AKAP19: variants seen among roughly 807,000 people sequenced by gnomAD.
AKAP19 encodes A-kinase anchoring protein 19.
At chr2:190,168,525 T>A in the AKAP19 span, among the ~76,000 whole-genome samples, 15 of 152,022 alleles carry the variant, frequency 9.9e-5, no homozygotes, top group African/African-American at 3.4e-4. Context: ...TGGAATTCTC[T>A]TTTCTATCGC....
chr2:190,077,485 A>T, the AKAP19 span, among the ~76,000 whole-genome samples: 20,208 of 152,002 alleles, frequency 0.13, 3,669 homozygotes, highest in African/African-American at 0.41. Flanking sequence ...AAAATTTTTT[A>T]AAAAATGTTA....
At chr2:190,117,413 C>T in the AKAP19 span, among the ~76,000 whole-genome samples, 1 of 151,892 alleles carries the variant, frequency 6.6e-6, no homozygotes, top group Non-Finnish European at 1.5e-5. Context: ...AATAGGTTAG[C>T]TTTCATTATT....
At chr2:189,938,542 T>G in the AKAP19 span, among the ~76,000 whole-genome samples, 14 of 151,966 alleles carry the variant, frequency 9.2e-5, no homozygotes, top group African/African-American at 3.1e-4. Context: ...AATTAAATCA[T>G]GGAGATAAAG....
chr2:189,917,943 C>G, the AKAP19 span, among the ~76,000 whole-genome samples: 1 of 151,756 alleles, frequency 6.6e-6, no homozygotes, highest in Non-Finnish European at 1.5e-5. Context: ...TTTGACTTAT[C>G]TTTAGTGTTT....
At chr2:189,924,228 G>A in the AKAP19 span, 1 of 1,506,504 alleles carries the variant, frequency 6.6e-7, no homozygotes, top group Admixed American at 1.7e-5. Flanking sequence ...CACATAGTGG[G>A]GTTTAGAAAT....
At chr2:190,010,147 G>A in the AKAP19 span, among the ~76,000 whole-genome samples, 1 of 152,232 alleles carries the variant, frequency 6.6e-6, no homozygotes, top group Non-Finnish European at 1.5e-5. Flanking sequence ...AAAGACAAGG[G>A]AGTATTTCTG....
chr2:190,003,497 CCTT>C, the AKAP19 span, among the ~76,000 whole-genome samples: 733 of 152,174 alleles, frequency 4.8e-3, 5 homozygotes, highest in African/African-American at 0.017. Flanking sequence ...TTAACATTGT[CCTT>C]CTATTTCTTT....
chr2:190,060,259 T>C, the AKAP19 span: 4 of 1,613,164 alleles, frequency 2.5e-6, no homozygotes, highest in Non-Finnish European at 3.4e-6. Context: ...GTATACCTTG[T>C]ACCGTCTTTC....
the AKAP19 span, among the ~76,000 whole-genome samples, chr2:189,936,129 T>G: frequency 2.6e-5 from 4 of 152,002 alleles, no homozygotes; most frequent in Middle Eastern, 3.2e-3. Flanking sequence ...TATACAGGAG[T>G]AATATTGAAA....
chr2:189,926,431 C>G, the AKAP19 span, among the ~76,000 whole-genome samples: 1 of 149,918 alleles, frequency 6.7e-6, no homozygotes, highest in Admixed American at 6.6e-5. Flanking sequence ...GGACTACAAG[C>G]GCCCACTACC....
chr2:189,957,209 C>A, the AKAP19 span, among the ~76,000 whole-genome samples: 1 of 152,082 alleles, frequency 6.6e-6, no homozygotes, highest in Non-Finnish European at 1.5e-5. Flanking sequence ...AATCCATGCT[C>A]ACGATATAAG....
the AKAP19 span, among the ~76,000 whole-genome samples, chr2:189,897,967 G>A: frequency 6.6e-6 from 1 of 152,098 alleles, no homozygotes; most frequent in East Asian, 1.9e-4. Context: ...CCAGCACTTT[G>A]GGAGGCTGAG....
chr2:190,029,617 T>C, the AKAP19 span, among the ~76,000 whole-genome samples: 1 of 152,212 alleles, frequency 6.6e-6, no homozygotes, highest in African/African-American at 2.4e-5. Flanking sequence ...GGTCAGGTAG[T>C]AAACATTTTA....
chr2:190,007,366 A>G, the AKAP19 span, among the ~76,000 whole-genome samples: 1 of 152,212 alleles, frequency 6.6e-6, no homozygotes, highest in Non-Finnish European at 1.5e-5. Flanking sequence ...CTCAAATGGT[A>G]TGCACTCTGG....
the AKAP19 span, among the ~76,000 whole-genome samples, chr2:190,054,921 A>G: frequency 0.96 from 145,495 of 152,262 alleles, 69,541 homozygotes; most frequent in Admixed American, 0.98. Flanking sequence ...TCAGTGTGGC[A>G]ATTCCTCAGG....
At chr2:190,112,778 T>C in the AKAP19 span, among the ~76,000 whole-genome samples, 3 of 152,178 alleles carry the variant, frequency 2.0e-5, no homozygotes, top group East Asian at 1.9e-4. Context: ...TTTGCATCTA[T>C]GCTTATATGT....
At chr2:190,173,074 C>T in the AKAP19 span, among the ~76,000 whole-genome samples, 2 of 151,422 alleles carry the variant, frequency 1.3e-5, no homozygotes, top group Non-Finnish European at 2.9e-5. Flanking sequence ...GTGATCATGC[C>T]ACTGCACTCC....
At chr2:190,019,802 G>T in the AKAP19 span, among the ~76,000 whole-genome samples, 1 of 152,058 alleles carries the variant, frequency 6.6e-6, no homozygotes, top group Non-Finnish European at 1.5e-5. Flanking sequence ...AAGTTGGGGA[G>T]GTGGGTGACA....
the AKAP19 span, among the ~76,000 whole-genome samples, chr2:190,133,209 G>T: frequency 5.8e-5 from 7 of 120,644 alleles, no homozygotes; most frequent in Non-Finnish European, 9.5e-5. Flanking sequence ...CTGCACTCCA[G>T]CCTGGGAGAC....
Sources: gnomAD v4.1 joint callset for allele counts (sites outside exome capture counted in the v4.1 genomes callset) on GRCh38, gnomAD v4.1.1 for gene constraint, MANE v1.5 for transcripts, NCBI Gene and HGNC (gene_info 2026-07-23, HGNC 2026-07-21) for gene names.